Variants in ZNF140 observed in about 807,000 individuals in gnomAD.
ZNF140 encodes the protein zinc finger protein 140 (clone pHZ-39).
ZNF140 carries 13 observed loss-of-function variants against 12.9 expected under a neutral mutation model. The ratio of observed to expected loss-of-function variants is 1.01; its 90% CI spans 0.66 to 1.60. The LOEUF (loss-of-function observed/expected upper bound fraction) is 1.60. ZNF140 is among the 40% of genes most tolerant of loss of function. ZNF140 has a pLI of 0.00. For missense variants in ZNF140, 531 were observed against 548.8 expected, an observed-to-expected ratio of 0.97 and a Z score of 0.32; for synonymous variants, 214 against 186.7, an observed-to-expected ratio of 1.15 and a Z score of -1.19.
intron 1 of ZNF140, 35 bp from the exon 2 acceptor site, chr12:133,081,238 C>A: frequency 8.4e-7 from 1 of 1,191,292 alleles, no homozygotes; most frequent in Non-Finnish European, 1.2e-6. Flanking sequence ...GCCTAGCTGG[C>A]CTGTTCGCTC....
chr12:133,107,020 G>A lies in ZNF140; in HGVS notation c.*369G>A, dbSNP rs970525329. On this transcript the variant is annotated 3_prime_UTR_variant, in exon 5 of 5. Transcript: ENST00000355557. ...AAAGCCAGAGATTAGCCCTCATTCC[G>A]CATCTGTCAACCAGGACAGAAAGCA... The A allele has an allele frequency of 1.8e-5, 3 of 163,504 alleles. No homozygotes were observed. The highest frequency in any genetic ancestry group is 1.8e-4 in the Admixed American group (3 of 16,582). 10.1% of individuals were successfully genotyped at this position (163,504 alleles called of 1,614,324 possible). A position where few individuals can be genotyped will look rare whatever the true frequency, so the allele number is the denominator to read the frequency against.
chr12:133,090,589 A>G (rs2950581), intron 4 of ZNF140, among the ~76,000 whole-genome samples: 13,494 of 151,378 alleles, frequency 0.089, 747 homozygotes, highest in African/African-American at 0.13. Flanking sequence ...CGGGTGGGAC[A>G]AGAGACTGAG....
intron 4 of ZNF140, among the ~76,000 whole-genome samples, chr12:133,099,715 T>C (rs2137559801): frequency 6.6e-6 from 1 of 152,298 alleles, no homozygotes; most frequent in Non-Finnish European, 1.5e-5. Context: ...ATTTTACTTT[T>C]ACTTATTTCT....
At chr12:133,099,551 A>T (rs1955261125) in intron 4 of ZNF140, among the ~76,000 whole-genome samples, 1 of 152,186 alleles carries the variant, frequency 6.6e-6, no homozygotes. Flanking sequence ...GGCTGGGTGC[A>T]GTGGCTCACA....
rs929796023 is a variant in ZNF140, at chr12:133,087,268, T to G, written c.232+3707T>G. Among the ~76,000 whole-genome samples, 487 of 151,944 alleles carry G rather than the reference T, an allele frequency of 3.2e-3. 2 individuals are homozygous for G. Among genetic ancestry groups the G allele is most frequent in the African/African-American group, 0.011 (462 of 41,394 alleles). On this transcript the variant is annotated intron_variant, in intron 4 of 4. Transcript: ENST00000355557. The stretch of plus-strand genomic sequence containing the variant: ...GAAGACTGAGAAGTCGTGGTTGACA[T>G]TAGTCTTTTTGGTGGTATGATTGTT...
intron 4 of ZNF140, among the ~76,000 whole-genome samples, chr12:133,091,721 CA>C (rs2137522492): frequency 6.6e-6 from 1 of 151,118 alleles, no homozygotes; most frequent in South Asian, 2.1e-4. Context: ...ACCCAAGTGA[CA>C]GGGTTAAGAT....
At position 133,093,176 on chromosome 12, in the gene ZNF140, G is replaced by T. The variant is rs867289827; in HGVS notation, c.232+9615G>T. On this transcript the variant is annotated intron_variant, in intron 4 of 4. Coordinates refer to ENST00000355557, the MANE Select transcript of ZNF140 (RefSeq NM_003440.4). ...TATCATCATTCCTTCTTCAGGTTGGGCAGGGCCACGGTCATCCATGGGGCC... is the reference window on the plus strand; with the variant it reads ...TATCATCATTCCTTCTTCAGGTTGGTCAGGGCCACGGTCATCCATGGGGCC... Among the ~76,000 whole-genome samples, 166 of 151,228 alleles carry T rather than the reference G, an allele frequency of 1.1e-3. 2 individuals carry two copies. The highest frequency in any genetic ancestry group is 6.9e-3 in the Middle Eastern group (2 of 290).
intron 4 of ZNF140, 122 bp from the exon 5 acceptor site, chr12:133,105,388 G>GT: frequency 9.9e-7 from 1 of 1,015,128 alleles, no homozygotes; most frequent in South Asian, 1.8e-5. Context: ...AGTCACAGCT[G>GT]TGAAAGCTGC....
intron 4 of ZNF140, among the ~76,000 whole-genome samples, chr12:133,089,405 G>A (rs913117776): frequency 1.3e-5 from 2 of 152,086 alleles, no homozygotes; most frequent in African/African-American, 2.4e-5. Flanking sequence ...GCAGAGACGA[G>A]GTTTCACCAT....
chr12:133,095,963 G>C (rs1176095553), intron 4 of ZNF140, among the ~76,000 whole-genome samples: 1 of 151,198 alleles, frequency 6.6e-6, no homozygotes. Flanking sequence ...AGTTCCCAGG[G>C]GCAGGCAGGA....
At chr12:133,084,909 G>A (rs1954624433) in intron 4 of ZNF140, among the ~76,000 whole-genome samples, 1 of 152,186 alleles carries the variant, frequency 6.6e-6, no homozygotes, top group South Asian at 2.1e-4. Context: ...ACTTTGTTTA[G>A]TGGGAGCAAA....
intron 4 of ZNF140, among the ~76,000 whole-genome samples, chr12:133,098,179 C>T (rs1016125682): frequency 9.2e-5 from 14 of 151,992 alleles, no homozygotes; most frequent in African/African-American, 3.4e-4. Context: ...TTCATTTTCT[C>T]TTCTTTCTTA....
At chr12:133,099,002 A>C (rs1246411464) in intron 4 of ZNF140, among the ~76,000 whole-genome samples, 1 of 151,340 alleles carries the variant, frequency 6.6e-6, no homozygotes, top group African/African-American at 2.4e-5. Flanking sequence ...CAGCCTCCTA[A>C]GTAGCTGGGA....
chr12:133,106,306 C>T lies in ZNF140; in HGVS notation c.1029C>T (p.Phe343=), dbSNP rs1319291772. The T allele has an allele frequency of 1.2e-6, 2 of 1,614,048 alleles. No homozygotes were observed. Among genetic ancestry groups the T allele is most frequent in the Admixed American group, 3.3e-5 (2 of 60,000 alleles). ...GGAAAGCTTTCCGTTGTCACTCATT[C>T]CTTATTAAACATCAGAGAATTCATG... The part of the protein sequence containing the change: ...ECRKAFRCHS[F]LIKHQRIHAG... The change falls in exon 5 of 5, where the codon TTC becomes TTT. Residue 343 remains phenylalanine, a synonymous_variant. Coordinates refer to ENST00000355557, the MANE Select transcript of ZNF140 (RefSeq NM_003440.4).
intron 2 of ZNF140, chr12:133,081,838 C>G (rs1954515624): frequency 8.5e-6 from 2 of 235,138 alleles, no homozygotes; most frequent in African/African-American, 4.7e-5. Flanking sequence ...TTCAGTGGTT[C>G]CCACAGTGTG....
chr12:133,090,543 G>T (rs1402712507), intron 4 of ZNF140, among the ~76,000 whole-genome samples: 1 of 152,016 alleles, frequency 6.6e-6, no homozygotes, highest in African/African-American at 2.4e-5. Context: ...TTATGAAGGG[G>T]TGGCCTGCCC....
chr12:133,084,131 CATT>C, intron 4 of ZNF140: 3 of 423,248 alleles, frequency 7.1e-6, no homozygotes, highest in Non-Finnish European at 1.4e-5. Flanking sequence ...TTTTTGTTCC[CATT>C]GTTAGTTCTG....
At chr12:133,086,922 A>G (rs929855368) in intron 4 of ZNF140, among the ~76,000 whole-genome samples, 28 of 152,268 alleles carry the variant, frequency 1.8e-4, no homozygotes, top group African/African-American at 6.7e-4. Context: ...AAATTAGTTA[A>G]ATGTCAATTT....
intron 4 of ZNF140, among the ~76,000 whole-genome samples, chr12:133,100,482 C>T (rs1379998618): frequency 2.6e-5 from 4 of 152,146 alleles, no homozygotes; most frequent in Non-Finnish European, 5.9e-5. Flanking sequence ...GGCCCTTTTA[C>T]ACCTTAACTA....
Sources: allele counts gnomAD v4.1 joint callset (sites outside exome capture counted in the v4.1 genomes callset), GRCh38; gene constraint gnomAD v4.1.1; transcripts MANE v1.5; gene names NCBI Gene and HGNC (gene_info 2026-07-23, HGNC 2026-07-21).